The following TLL2 variants were observed in gnomAD, a reference collection of about 807,000 sequenced individuals.
TLL2 encodes tolloid like 2.
Under a neutral mutation model 123.0 loss-of-function variants are expected in TLL2, and 106 were observed. The ratio of observed to expected loss-of-function variants is 0.86; its 90% CI spans 0.74 to 1.01. The LOEUF (loss-of-function observed/expected upper bound fraction) is 1.01. Ranked by LOEUF, TLL2 falls within the 50% of genes least tolerant of loss-of-function variation. The pLI is 0.00. For synonymous variants in TLL2, 494 were observed against 516.8 expected (o/e 0.96, Z 0.60); for missense variants, 1,332 against 1,336.7 (o/e 1.00, Z 0.06).
intron 15 of TLL2, among the ~76,000 whole-genome samples, chr10:96,385,511 C>T (rs924891951): frequency 1.3e-5 from 2 of 152,104 alleles, no homozygotes; most frequent in Admixed American, 6.5e-5. Context: ...AAGGTGAGAC[C>T]CCCAGCTCAG....
intron 2 of TLL2, among the ~76,000 whole-genome samples, chr10:96,468,111 A>G (rs1221369485): frequency 1.3e-5 from 2 of 152,078 alleles, no homozygotes; most frequent in African/African-American, 2.4e-5. Context: ...CCCAAACCAG[A>G]AGCTTCTCCC....
chr10:96,469,604 T>C (rs1040376186), intron 2 of TLL2, among the ~76,000 whole-genome samples: 4 of 152,150 alleles, frequency 2.6e-5, no homozygotes, highest in African/African-American at 9.7e-5. Context: ...AAGCCTGCCA[T>C]GAGAGGGCAG....
chr10:96,422,481 TCCC>T, intron 6 of TLL2, 65 bp downstream of exon 6: 2 of 1,578,682 alleles, frequency 1.3e-6, no homozygotes, highest in Non-Finnish European at 1.7e-6. Context: ...CCTCCTTCCC[TCCC>T]TCCTGTCCCT....
At chr10:96,401,839 G>T (rs1846400622) in intron 10 of TLL2, among the ~76,000 whole-genome samples, 1 of 152,152 alleles carries the variant, frequency 6.6e-6, no homozygotes, top group African/African-American at 2.4e-5. Flanking sequence ...GGGAGGTGGG[G>T]GTAGAGAGTT....
At chr10:96,397,963 G>A (rs867483961) in intron 10 of TLL2, among the ~76,000 whole-genome samples, 9 of 152,220 alleles carry the variant, frequency 5.9e-5, no homozygotes, top group African/African-American at 2.2e-4. Flanking sequence ...AAGAATCTAA[G>A]AGAAGCAGAA....
intron 13 of TLL2, among the ~76,000 whole-genome samples, chr10:96,394,463 T>C (rs563928896): frequency 6.6e-6 from 1 of 152,348 alleles, no homozygotes; most frequent in East Asian, 1.9e-4. Context: ...AAGCTCGGTC[T>C]GCCCATGCCA....
chr10:96,391,650 A>C (rs1252679266), intron 13 of TLL2, among the ~76,000 whole-genome samples: 1 of 152,216 alleles, frequency 6.6e-6, no homozygotes, highest in African/African-American at 2.4e-5. Flanking sequence ...AGGGGATTGT[A>C]ATGAAGAAAA....
intron 8 of TLL2, among the ~76,000 whole-genome samples, chr10:96,412,603 A>G (rs1846517419): frequency 6.6e-6 from 1 of 152,132 alleles, no homozygotes; most frequent in African/African-American, 2.4e-5. Flanking sequence ...ATTTGCTCCA[A>G]TCCCAGTATT....
chr10:96,382,044 C>T (rs1846190451), intron 16 of TLL2, among the ~76,000 whole-genome samples: 2 of 152,148 alleles, frequency 1.3e-5, no homozygotes, highest in South Asian at 2.1e-4. Flanking sequence ...AAGATTTGCA[C>T]TTTGTTGAAA....
At chr10:96,473,442 T>C (rs543360163) in intron 2 of TLL2, among the ~76,000 whole-genome samples, 1 of 151,974 alleles carries the variant, frequency 6.6e-6, no homozygotes, top group South Asian at 2.1e-4. Context: ...AAAAATAAAA[T>C]AAATACAATG....
intron 6 of TLL2, among the ~76,000 whole-genome samples, chr10:96,421,311 A>G (rs1033584437): frequency 4.6e-5 from 7 of 152,294 alleles, no homozygotes; most frequent in Middle Eastern, 3.4e-3. Context: ...TCTTAAAGTA[A>G]GTTTGCAGAC....
chr10:96,410,629 G>A (rs532562602), intron 8 of TLL2, 155 bp from the exon 9 acceptor site: 20 of 709,814 alleles, frequency 2.8e-5, no homozygotes, highest in Non-Finnish European at 4.9e-5. Flanking sequence ...GATGTTTTCT[G>A]GCTAACAAAA....
chr10:96,384,467 T>C (rs1846211249), intron 16 of TLL2, 120 bp downstream of exon 16: 10 of 1,083,204 alleles, frequency 9.2e-6, no homozygotes, highest in Non-Finnish European at 1.3e-5. Flanking sequence ...AAGGCAGCCA[T>C]ACCTGGAGGG....
At chr10:96,494,471 C>T (rs1171728793) in intron 1 of TLL2, among the ~76,000 whole-genome samples, 1 of 152,178 alleles carries the variant, frequency 6.6e-6, no homozygotes, top group African/African-American at 2.4e-5. Context: ...AACAAACACC[C>T]GGGTTTTATC....
intron 2 of TLL2, among the ~76,000 whole-genome samples, chr10:96,470,093 A>G (rs1477562058): frequency 3.3e-5 from 5 of 152,124 alleles, no homozygotes; most frequent in Non-Finnish European, 7.4e-5. Flanking sequence ...TAAGGACCAC[A>G]TTTTCCATCT....
intron 1 of TLL2, among the ~76,000 whole-genome samples, chr10:96,499,933 C>T (rs12098297): frequency 0.015 from 2,225 of 151,912 alleles, 47 homozygotes; most frequent in South Asian, 0.059. Context: ...CAACCAGCAA[C>T]GGTTTTTTAA....
rs148855620 is a variant in TLL2 at position 96,376,968 on chromosome 10, T to C, written c.2321-149A>G. On this transcript the variant is annotated intron_variant, in intron 17 of 20. Transcript: ENST00000357947. ...GGTGGGGTATCCTGAATCAGGTATC[T>C]CCTGGCTCAGGGATGTGCTGGTTTA... 67 of 666,832 alleles carry C rather than the reference T, an allele frequency of 1.0e-4. No individual in the cohort carries two copies. In the Middle Eastern group the frequency reaches 1.3e-3, roughly 13 times the overall value. The allele number at this position is 666,832 out of a possible 1,614,324, so 41.3% of individuals were successfully genotyped here.
intron 2 of TLL2, among the ~76,000 whole-genome samples, chr10:96,450,668 G>A (rs1019903066): frequency 1.3e-5 from 2 of 152,136 alleles, no homozygotes; most frequent in African/African-American, 4.8e-5. Flanking sequence ...GCGTTTCTCC[G>A]TTTCAATAAA....
intron 1 of TLL2, among the ~76,000 whole-genome samples, chr10:96,488,817 C>A (rs778118777): frequency 6.6e-5 from 10 of 152,160 alleles, no homozygotes; most frequent in Admixed American, 2.0e-4. Flanking sequence ...GGTGTCTGAA[C>A]CAGCAGGGCC....
Sources: allele counts gnomAD v4.1 joint callset (sites outside exome capture counted in the v4.1 genomes callset), GRCh38; gene constraint gnomAD v4.1.1; transcripts MANE v1.5; gene names NCBI Gene and HGNC (gene_info 2026-07-23, HGNC 2026-07-21).